Variants in FGF10 observed in about 807,000 individuals in gnomAD.
FGF10 encodes fibroblast growth factor 10, also known as FGF-10.
A neutral mutation model predicts 19.8 loss-of-function variants in FGF10; 2 were observed. That is an observed-to-expected ratio of 0.10 (90% CI 0.04 to 0.32). The LOEUF (loss-of-function observed/expected upper bound fraction) is 0.32, where lower values mean the gene tolerates loss of function less well. FGF10 is among the 10% of genes least tolerant of loss of function. The pLI is 1.00. For missense variants in FGF10, 191 were observed against 246.3 expected (o/e 0.78, Z 1.50); for synonymous variants, 112 against 94.0 (o/e 1.19, Z -1.10).
intron 1 of FGF10, among the ~76,000 whole-genome samples, chr5:44,383,010 G>A (rs1237466287): frequency 6.6e-6 from 1 of 151,996 alleles, no homozygotes; most frequent in African/African-American, 2.4e-5. Context: ...TCTTCTTTCT[G>A]AAGCATAATA....
intron 1 of FGF10, among the ~76,000 whole-genome samples, chr5:44,315,272 C>T (rs17316984): frequency 0.11 from 16,239 of 151,668 alleles, 1,188 homozygotes; most frequent in Non-Finnish European, 0.16. Flanking sequence ...TGAAGCCATC[C>T]TGAAGAAGAC....
intron 1 of FGF10, among the ~76,000 whole-genome samples, chr5:44,341,568 A>G (rs1046263353): frequency 3.9e-5 from 6 of 151,962 alleles, no homozygotes; most frequent in Non-Finnish European, 8.8e-5. Context: ...AAGCAGAGCA[A>G]TGAAAGCTCT....
chr5:44,375,077 GA>G (rs1474250988), intron 1 of FGF10, among the ~76,000 whole-genome samples: 1 of 152,112 alleles, frequency 6.6e-6, no homozygotes, highest in South Asian at 2.1e-4. Context: ...CCAGGTGACT[GA>G]ACTTTGAGAG....
In FGF10 at chr5:44,304,800, C is replaced by T. The variant is rs1740037547; in HGVS notation, c.*195G>A. 1 of 597,538 alleles carries T rather than the reference C, an allele frequency of 1.7e-6. No homozygotes were observed. The highest frequency in any genetic ancestry group is 2.0e-5 in the South Asian group (1 of 51,116). 37.0% of individuals were successfully genotyped at this position (597,538 alleles called of 1,614,324 possible). ...ATCTGCCTATATCTTGATTATAAGACATGACACAGAACTAATTAAAAGAAC... is the reference window on the plus strand; with the variant it reads ...ATCTGCCTATATCTTGATTATAAGATATGACACAGAACTAATTAAAAGAAC... On this transcript the variant is annotated 3_prime_UTR_variant, in exon 3 of 3. Transcript: ENST00000264664.
intron 1 of FGF10, among the ~76,000 whole-genome samples, chr5:44,372,466 T>C (rs928654535): frequency 6.6e-6 from 1 of 152,170 alleles, no homozygotes; most frequent in Admixed American, 6.5e-5. Context: ...AACTTTACCA[T>C]ATAAGGTAAT....
intron 1 of FGF10, among the ~76,000 whole-genome samples, chr5:44,343,425 T>G (rs1741015135): frequency 6.6e-6 from 1 of 152,024 alleles, no homozygotes; most frequent in Non-Finnish European, 1.5e-5. Flanking sequence ...AACTCTCTGA[T>G]AGCTAATTTT....
intron 1 of FGF10, among the ~76,000 whole-genome samples, chr5:44,322,299 A>G (rs1222868910): frequency 1.3e-5 from 2 of 152,162 alleles, no homozygotes; most frequent in East Asian, 3.9e-4. Flanking sequence ...AAGTCAGCAA[A>G]AGGGTCTGCA....
chr5:44,333,478 T>C (rs1740782426), intron 1 of FGF10, among the ~76,000 whole-genome samples: 1 of 152,154 alleles, frequency 6.6e-6, no homozygotes, highest in African/African-American at 2.4e-5. Context: ...TAACAAAATT[T>C]ATAGAAGATT....
At position 44,388,810 on chromosome 5, in the gene FGF10, C is replaced by A; in HGVS notation, c.-128G>T. 1 of 939,378 alleles carries A rather than the reference C, an allele frequency of 1.1e-6. No homozygotes were observed. Among genetic ancestry groups the A allele is most frequent in the Non-Finnish European group, 1.7e-6 (1 of 589,400 alleles). 58.2% of individuals were successfully genotyped at this position (939,378 alleles called of 1,614,324 possible). A position where few individuals can be genotyped will look rare whatever the true frequency, so the allele number is the denominator to read the frequency against. On this transcript the variant is annotated 5_prime_UTR_variant, in exon 1 of 3. Coordinates refer to ENST00000264664, the MANE Select transcript of FGF10 (RefSeq NM_004465.2). The stretch of plus-strand genomic sequence containing the variant: ...TGGTTAGCTCCCTCTGGGCGCGGAT[C>A]TGGCCAGAAGTGAATGCACCAACAT...
intron 1 of FGF10, among the ~76,000 whole-genome samples, chr5:44,365,808 G>C (rs971299512): frequency 1.3e-5 from 2 of 151,970 alleles, no homozygotes; most frequent in Non-Finnish European, 2.9e-5. Context: ...TACAAATATA[G>C]TTAGCCACAA....
At chr5:44,372,656 T>C (rs1262643724) in intron 1 of FGF10, among the ~76,000 whole-genome samples, 4 of 152,198 alleles carry the variant, frequency 2.6e-5, no homozygotes, top group African/African-American at 9.6e-5. Context: ...TGATCTATCC[T>C]GGGCAAAATT....
intron 1 of FGF10, among the ~76,000 whole-genome samples, chr5:44,359,599 C>T (rs1408240683): frequency 1.3e-5 from 2 of 151,572 alleles, no homozygotes; most frequent in East Asian, 2.0e-4. Flanking sequence ...AGTAAATTGG[C>T]TTAATGTCTC....
At chr5:44,321,806 G>T (rs549051233) in intron 1 of FGF10, among the ~76,000 whole-genome samples, 10 of 152,148 alleles carry the variant, frequency 6.6e-5, no homozygotes, top group African/African-American at 2.2e-4. Flanking sequence ...CTGTTGCCCA[G>T]GCCAGAGTGC....
Position 44,377,846 on chromosome 5 carries a change from A to G in FGF10, c.325+10512T>C, listed in dbSNP as rs559261450. Among the ~76,000 whole-genome samples the G allele has an allele frequency of 8.5e-5, 13 of 152,362 alleles. No homozygotes were observed. In the East Asian group the frequency reaches 2.5e-3, roughly 29 times the overall value. The stretch of plus-strand genomic sequence containing the variant: ...CACAGCCTGGAAGTAATTTTTTAAA[A>G]TATTTTAAATCATTTTGTTCATGAA... On this transcript the variant is annotated intron_variant, in intron 1 of 2. Transcript: ENST00000264664.
At chr5:44,310,954 G>A (rs1325725448) in intron 1 of FGF10, among the ~76,000 whole-genome samples, 2 of 152,000 alleles carry the variant, frequency 1.3e-5, no homozygotes, top group Non-Finnish European at 2.9e-5. Flanking sequence ...TCAATAATAT[G>A]CCAGATTACC....
intron 1 of FGF10, among the ~76,000 whole-genome samples, chr5:44,316,285 G>T (rs1261288185): frequency 1.3e-5 from 2 of 152,152 alleles, no homozygotes; most frequent in African/African-American, 2.4e-5. Flanking sequence ...TGCCAAAAAG[G>T]TTGGGGACCG....
Position 44,302,346 on chromosome 5 carries a change from TTCTC to T in FGF10, c.*2645_*2648del, listed in dbSNP as rs1302337498. On this transcript the variant is annotated 3_prime_UTR_variant, in exon 3 of 3. Transcript: ENST00000264664. ...TCCTTCCTTCCTGTCTTTCTGTCTT[TTCTC>T]TCTTTCTTTTCTCTTTTCTCTCTTT... Among the ~76,000 whole-genome samples, 2 of 147,856 alleles carry T rather than the reference TTCTC, an allele frequency of 1.4e-5. No individual in the cohort carries two copies. Among genetic ancestry groups the T allele is most frequent in the Non-Finnish European group, 3.0e-5 (2 of 67,274 alleles).
At chr5:44,338,045 T>C (rs1241748122) in intron 1 of FGF10, among the ~76,000 whole-genome samples, 1 of 152,190 alleles carries the variant, frequency 6.6e-6, no homozygotes, top group Non-Finnish European at 1.5e-5. Flanking sequence ...TATTCTAACA[T>C]GTAATTATTA....
chr5:44,327,590 T>C (rs1740643616), intron 1 of FGF10, among the ~76,000 whole-genome samples: 1 of 152,212 alleles, frequency 6.6e-6, no homozygotes, highest in African/African-American at 2.4e-5. Flanking sequence ...TATAAACAAC[T>C]GCTTGTTGAT....
Sources: gnomAD v4.1 joint callset for allele counts (sites outside exome capture counted in the v4.1 genomes callset) on GRCh38, gnomAD v4.1.1 for gene constraint, MANE v1.5 for transcripts, NCBI Gene and HGNC (gene_info 2026-07-23, HGNC 2026-07-21) for gene names.